The following APC variants were observed in gnomAD, a reference collection of about 807,000 sequenced individuals.
APC encodes the protein APC regulator of Wnt signaling pathway.
In APC, 72 loss-of-function variants were observed where a neutral mutation model predicts 247.0. That is an observed-to-expected ratio of 0.29 (90% CI 0.24 to 0.35). The LOEUF (loss-of-function observed/expected upper bound fraction) is 0.35, where lower values mean the gene tolerates loss of function less well. Ranked by LOEUF, APC falls within the 10% of genes least tolerant of loss-of-function variation. The pLI, the probability that APC is intolerant of heterozygous loss-of-function variation, is 1.00. For missense variants in APC, 3,400 were observed against 3,360.7 expected (o/e 1.01, Z -0.29); for synonymous variants, 1,254 against 1,162.5 (o/e 1.08, Z -1.60).
chr5:112,836,169 C>A (rs944300057), intron 15 of APC, among the ~76,000 whole-genome samples: 2 of 66,288 alleles, frequency 3.0e-5, no homozygotes, highest in African/African-American at 4.6e-5. Flanking sequence ...TACAGGTCCC[C>A]CCCCCCCCCC....
At chr5:112,792,614 C>G (rs1580424921) in intron 7 of APC, 85 bp downstream of exon 7, 1 of 949,320 alleles carries the variant, frequency 1.1e-6, no homozygotes, top group Admixed American at 1.8e-5. Flanking sequence ...TAATGTGACA[C>G]CATTGAAATA....
chr5:112,799,547 A>G (rs2149706643), intron 7 of APC, among the ~76,000 whole-genome samples: 1 of 152,186 alleles, frequency 6.6e-6, no homozygotes, highest in East Asian at 1.9e-4. Flanking sequence ...GGTCTTTCCT[A>G]TGTTTCCTCC....
At chr5:112,775,608 T>A in intron 4 of APC, 21 bp from the exon 5 acceptor site, 1 of 1,489,522 alleles carries the variant, frequency 6.7e-7, no homozygotes, top group Non-Finnish European at 9.3e-7. Context: ...AACGTACCTT[T>A]TTTTAAAAAA....
rs192427106 is a variant in APC, at chr5:112,716,846, T to G, written c.165+8964T>G. Among the ~76,000 whole-genome samples, 39 of 152,358 alleles carry G rather than the reference T, an allele frequency of 2.6e-4. 1 individual carries two copies. The highest frequency in any genetic ancestry group is 2.3e-3 in the Admixed American group (35 of 15,310). ...TTGAGATGAATATAACAACGCTAGC[T>G]TTCTCTTTATTATAGTTTGATCTTC... is the stretch of plus-strand genomic sequence containing the variant. On this transcript the variant is annotated intron_variant, in intron 1 of 13. Transcript: ENST00000507379.
intron 8 of APC, among the ~76,000 whole-genome samples, chr5:112,805,725 GCCA>G (rs1761313346): frequency 1.3e-5 from 2 of 152,234 alleles, no homozygotes; most frequent in South Asian, 4.1e-4. Context: ...AAAGACAAAA[GCCA>G]CCAACACTAG....
At chr5:112,794,196 G>C (rs1318475694) in intron 7 of APC, among the ~76,000 whole-genome samples, 4 of 151,992 alleles carry the variant, frequency 2.6e-5, no homozygotes. Flanking sequence ...GGGTTCAAGT[G>C]ATCTTCCCAC....
At chr5:112,804,436 G>A (rs1232643662) in intron 8 of APC, among the ~76,000 whole-genome samples, 1 of 152,114 alleles carries the variant, frequency 6.6e-6, no homozygotes, top group Admixed American at 6.6e-5. Context: ...AGGCTGGAGT[G>A]CAATGGTGGG....
chr5:112,747,743 A>G (rs1303429019), intron 1 of APC, among the ~76,000 whole-genome samples: 2 of 152,210 alleles, frequency 1.3e-5, no homozygotes, highest in East Asian at 3.8e-4. Flanking sequence ...ATTAAAATGG[A>G]TCACTGAAAA....
At chr5:112,814,955 T>C (rs1374800397) in intron 8 of APC, among the ~76,000 whole-genome samples, 1 of 152,226 alleles carries the variant, frequency 6.6e-6, no homozygotes, top group Admixed American at 6.5e-5. Context: ...AATTTCTTTC[T>C]TCCTGTTTTC....
chr5:112,839,395 T>C lies in APC; in HGVS notation c.3801T>C (p.Thr1267=). 1 of 1,614,152 alleles carries C rather than the reference T, an allele frequency of 6.2e-7. No individual in the cohort carries two copies. Among genetic ancestry groups the C allele is most frequent in the Non-Finnish European group, 8.5e-7 (1 of 1,180,008 alleles). The change falls in exon 16 of 16, where the codon ACT becomes ACC. Residue 1267 remains threonine, a synonymous_variant. Coordinates refer to ENST00000257430, the MANE Select transcript of APC (RefSeq NM_000038.6). The surrounding 1 kb of genome is among the most constrained non-coding windows in gnomAD (Gnocchi z 5.0). ...TACAGACTTATTGTGTAGAAGATAC[T>C]CCAATATGTTTTTCAAGATGTAGTT... The part of the protein sequence containing the change: ...ETIQTYCVED[T]PICFSRCSSL...
intron 5 of APC, among the ~76,000 whole-genome samples, chr5:112,776,895 C>CT (rs149554768): frequency 6.6e-6 from 1 of 152,006 alleles, no homozygotes; most frequent in Non-Finnish European, 1.5e-5. Context: ...CTAGAGGAAT[C>CT]TTTAAGTGTC....
rs1202591393 is a variant in APC, at chr5:112,843,956, C to G, written c.8362C>G (p.Pro2788Ala). ...CAGAGTGACTCCTTTTAATTACAAC[C>G]CAAGCCCTAGGAAAAGCAGCGCAGA... ...AARVTPFNYN[P>A]SPRKSSADST... Residue 2788 changes from proline to alanine, a missense_variant, in exon 16 of 16, where the codon CCA becomes GCA. This residue lies in a region of APC where 1,788 missense variants were observed against 1,649.5 expected (regional missense o/e 1.08). Coordinates refer to ENST00000257430, the MANE Select transcript of APC (RefSeq NM_000038.6). The surrounding 1 kb of genome is among the most constrained non-coding windows in gnomAD (Gnocchi z 4.8). 6.2e-7 allele frequency: 1 copy of G among 1,607,304 alleles called. No individual in the cohort carries two copies. Among genetic ancestry groups the G allele is most frequent in the South Asian group, 1.1e-5 (1 of 90,188 alleles).
chr5:112,841,976 G>A lies in APC; in HGVS notation c.6382G>A (p.Ala2128Thr), dbSNP rs2149963652. The A allele has an allele frequency of 6.2e-7, 1 of 1,613,478 alleles. No individual in the cohort carries two copies. The highest frequency in any genetic ancestry group is 8.5e-7 in the Non-Finnish European group (1 of 1,179,492). ...TGCTGCTGCATGTTTATCTAGACAA[G>A]CTTCGTCTGATTCAGATTCCATCCT... The part of the protein sequence containing the change: ...AAAAACLSRQ[A>T]SSDSDSILSL... Residue 2128 changes from alanine to threonine, a missense_variant, in exon 16 of 16, where the codon GCT becomes ACT. Ala to Thr is a moderately conservative substitution (Grantham distance 58). This residue lies in a region of APC where 1,788 missense variants were observed against 1,649.5 expected (regional missense o/e 1.08). Transcript: ENST00000257430. The surrounding 1 kb of genome is among the most constrained non-coding windows in gnomAD (Gnocchi z 4.6).
intron 10 of APC, among the ~76,000 whole-genome samples, chr5:112,820,182 G>GACACACACACACAC (rs111788809): frequency 7.0e-6 from 1 of 143,314 alleles, no homozygotes; most frequent in African/African-American, 2.5e-5. Flanking sequence ...GATAAGAACT[G>GACACACACACACAC]ACACACACAC....
At chr5:112,724,373 CA>C (rs1751654299) in intron 1 of APC, among the ~76,000 whole-genome samples, 1 of 152,154 alleles carries the variant, frequency 6.6e-6, no homozygotes. Context: ...TAGGTATAGA[CA>C]GCTTCACAGA....
intron 8 of APC, among the ~76,000 whole-genome samples, chr5:112,809,601 A>C (rs1761775066): frequency 6.6e-6 from 1 of 151,466 alleles, no homozygotes; most frequent in Non-Finnish European, 1.5e-5. Flanking sequence ...TTTCACCAAA[A>C]AAAAAAAAAA....
chr5:112,837,812 G>A lies in APC; in HGVS notation c.2218G>A (p.Ala740Thr), dbSNP rs587781394. The change falls in exon 16 of 16, where the codon GCC becomes ACC. Residue 740 changes from alanine (A) to threonine (T), a missense_variant. Coordinates refer to ENST00000257430, the MANE Select transcript of APC (RefSeq NM_000038.6). ...MANRPAKYKD[A>T]NIMSPGSSLP... ...AAATAGGCCTGCGAAGTACAAGGATGCCAATATTATGTCTCCTGGCTCAAG... is the reference window on the plus strand; with the variant it reads ...AAATAGGCCTGCGAAGTACAAGGATACCAATATTATGTCTCCTGGCTCAAG... 1.2e-6 allele frequency: 2 copies of A among 1,613,978 alleles called. No homozygotes were observed. The highest frequency in any genetic ancestry group is 1.7e-5 in the Admixed American group (1 of 60,010).
At chr5:112,733,010 T>G (rs548493308), upstream of APC, among the ~76,000 whole-genome samples, 1 of 152,340 alleles carries the variant, frequency 6.6e-6, no homozygotes, top group African/African-American at 2.4e-5. Context: ...CTTAGAAAAG[T>G]TAAATGACTT....
At chr5:112,835,653 A>C (rs990769801) in intron 15 of APC, among the ~76,000 whole-genome samples, 2 of 150,654 alleles carry the variant, frequency 1.3e-5, no homozygotes, top group African/African-American at 4.9e-5. Flanking sequence ...GCTCACTGCA[A>C]CCTCCACCTC....
Sources: allele counts gnomAD v4.1 joint callset (sites outside exome capture counted in the v4.1 genomes callset), GRCh38; gene constraint gnomAD v4.1.1; regional missense constraint gnomAD v4.1.1; non-coding constraint Gnocchi (gnomAD v3.1); transcripts MANE v1.5; gene names NCBI Gene and HGNC (gene_info 2026-07-23, HGNC 2026-07-21).